CACNA2D1: variants seen among roughly 807,000 people sequenced by gnomAD.
CACNA2D1 encodes the protein calcium voltage-gated channel auxiliary subunit alpha2delta 1, also known as voltage-dependent calcium channel subunit alpha-2/delta-1.
In CACNA2D1, 53 loss-of-function variants were observed where a neutral mutation model predicts 171.5. The ratio of observed to expected loss-of-function variants is 0.31; its 90% confidence interval spans 0.25 to 0.39. The LOEUF is 0.39. CACNA2D1 is among the 10% of genes least tolerant of loss of function. CACNA2D1 has a pLI of 1.00. For synonymous variants in CACNA2D1, 442 were observed against 443.1 expected (o/e 1.00, Z 0.03); for missense variants, 903 against 1,299.8 (o/e 0.69, Z 4.69).
chr7:82,172,640 T>TTTTTTTTTTCC (rs1491222972), intron 3 of CACNA2D1, among the ~76,000 whole-genome samples: 1 of 77,278 alleles, frequency 1.3e-5, no homozygotes, highest in African/African-American at 5.0e-5. Flanking sequence ...TTTTTTTTTT[T>TTTTTTTTTTCC]GGTAAAGATG....
intron 4 of CACNA2D1, among the ~76,000 whole-genome samples, chr7:82,158,318 A>C (rs1455453689): frequency 6.6e-6 from 1 of 151,810 alleles, no homozygotes; most frequent in African/African-American, 2.4e-5. Flanking sequence ...CAAAGCTTTA[A>C]AATTATGTTC....
chr7:82,004,315 A>C (rs1798907416), intron 18 of CACNA2D1, among the ~76,000 whole-genome samples: 1 of 152,120 alleles, frequency 6.6e-6, no homozygotes, highest in African/African-American at 2.4e-5. Context: ...TTAAAACAAC[A>C]CATTTAAACA....
chr7:82,374,171 A>T (rs977252128), intron 1 of CACNA2D1, among the ~76,000 whole-genome samples: 2 of 152,230 alleles, frequency 1.3e-5, no homozygotes, highest in African/African-American at 4.8e-5. Flanking sequence ...GGTCAGAAGA[A>T]CACAATGCCT....
At chr7:82,348,289 AAT>A (rs1819472320) in intron 2 of CACNA2D1, among the ~76,000 whole-genome samples, 1 of 152,182 alleles carries the variant, frequency 6.6e-6, no homozygotes, top group Non-Finnish European at 1.5e-5. Context: ...TTCATATTCT[AAT>A]ATAGTTTCCC....
intron 4 of CACNA2D1, among the ~76,000 whole-genome samples, chr7:82,149,032 T>C (rs1793479523): frequency 6.6e-6 from 1 of 152,170 alleles, no homozygotes; most frequent in Non-Finnish European, 1.5e-5. Flanking sequence ...GTTTGTTGTA[T>C]TGATGAAATG....
chr7:82,086,250 G>A (rs1476658453), intron 6 of CACNA2D1, among the ~76,000 whole-genome samples: 1 of 152,110 alleles, frequency 6.6e-6, no homozygotes, highest in South Asian at 2.1e-4. Flanking sequence ...AAGATGCACG[G>A]CCTATGTGTT....
chr7:82,194,437 G>A (rs1798650560), intron 3 of CACNA2D1, among the ~76,000 whole-genome samples: 1 of 151,976 alleles, frequency 6.6e-6, no homozygotes, highest in Admixed American at 6.6e-5. Context: ...TGATTTGTGT[G>A]TATGCTGGAG....
In CACNA2D1 at chr7:82,246,364, C is replaced by A. The variant is rs186235535; in HGVS notation, c.295-75755G>T. Among the ~76,000 whole-genome samples the A allele has an allele frequency of 2.7e-4, 41 of 152,138 alleles. No homozygotes were observed. The East Asian group carries it at 3.1e-3, about 11-fold the overall frequency. ...ATAGCAGAAAGTGAATGTAGTTCAT[C>A]TCAATAAATATCTGGCACCATAAAC... On this transcript the variant is annotated intron_variant, in intron 3 of 38. Coordinates refer to ENST00000356860, the MANE Select transcript of CACNA2D1 (RefSeq NM_000722.4).
rs35419275 is a variant in CACNA2D1 at position 82,363,254 on chromosome 7, C to CTT, written c.96-13607_96-13606dup. On this transcript the variant is annotated intron_variant, in intron 1 of 38. Transcript: ENST00000356860. ...CTACCATAGTTTTATTTATTTGTCTCTTTTTTTTTTTTTTTTTTTTTTTTT... is the reference window on the plus strand; with the variant it reads ...CTACCATAGTTTTATTTATTTGTCTCTTTTTTTTTTTTTTTTTTTTTTTTTTT... 3.7e-3 allele frequency among the ~76,000 whole-genome samples: 234 copies of CTT among 63,420 alleles called. 23 individuals are homozygous for CTT. The highest frequency in any genetic ancestry group is 0.013 in the African/African-American group (154 of 11,932). 41.6% of individuals were successfully genotyped at this position (63,420 alleles called of 152,430 possible).
intron 1 of CACNA2D1, among the ~76,000 whole-genome samples, chr7:82,414,395 T>C (rs911941281): frequency 4.6e-5 from 7 of 152,280 alleles, no homozygotes; most frequent in South Asian, 2.1e-4. Flanking sequence ...CTGGCTAGTA[T>C]GAAATGCCAC....
intron 5 of CACNA2D1, among the ~76,000 whole-genome samples, chr7:82,120,035 G>T (rs1303286008): frequency 1.3e-5 from 2 of 152,108 alleles, no homozygotes; most frequent in East Asian, 3.9e-4. Flanking sequence ...ATTTAAAAAT[G>T]AGCCTGGCAT....
In CACNA2D1 at chr7:81,982,536, G is replaced by A. The variant is rs780440059; in HGVS notation, c.1955+31C>T. 4.6e-6 allele frequency: 6 copies of A among 1,304,084 alleles called. No homozygotes were observed. In the South Asian group the frequency reaches 4.7e-5, roughly 10 times the overall value. The allele number at this position is 1,304,084 out of a possible 1,614,324, so 80.8% of individuals were successfully genotyped here. A position where few individuals can be genotyped will look rare whatever the true frequency, so the allele number is the denominator to read the frequency against. On this transcript the variant is annotated intron_variant, in intron 24 of 38. Coordinates refer to ENST00000356860, the MANE Select transcript of CACNA2D1 (RefSeq NM_000722.4). Reference sequence around the variant, plus strand: ...ACTGTTGAAGGCCTAGCTACTGATAGAAGATGTATCAAAAATACAACAAAA... The same window carrying A: ...ACTGTTGAAGGCCTAGCTACTGATAAAAGATGTATCAAAAATACAACAAAA...
At chr7:81,993,198 A>G (rs1390880391) in intron 20 of CACNA2D1, among the ~76,000 whole-genome samples, 1 of 152,208 alleles carries the variant, frequency 6.6e-6, no homozygotes, top group East Asian at 1.9e-4. Context: ...AAATGTTTAC[A>G]AATTAATTTC....
chr7:82,064,220 C>G, intron 9 of CACNA2D1, 84 bp downstream of exon 9: 1 of 904,452 alleles, frequency 1.1e-6, no homozygotes, highest in East Asian at 2.5e-5. Context: ...ACCTATCAAA[C>G]CTTTCTTAGT....
At chr7:81,965,070 C>T in intron 32 of CACNA2D1, among the ~76,000 whole-genome samples, 1 of 151,862 alleles carries the variant, frequency 6.6e-6, no homozygotes, top group Admixed American at 6.6e-5. Context: ...AGCTCCACCC[C>T]ATAAATCCTG....
intron 3 of CACNA2D1, among the ~76,000 whole-genome samples, chr7:82,200,701 C>T (rs1799327554): frequency 6.7e-6 from 1 of 149,818 alleles, no homozygotes; most frequent in South Asian, 2.1e-4. Context: ...TATTTACAAG[C>T]TCTTCCATGA....
At chr7:82,364,369 A>G (rs1256779033) in intron 1 of CACNA2D1, among the ~76,000 whole-genome samples, 1 of 152,192 alleles carries the variant, frequency 6.6e-6, no homozygotes, top group African/African-American at 2.4e-5. Context: ...TTAAGGACCT[A>G]TTTATAGAGT....
intron 4 of CACNA2D1, among the ~76,000 whole-genome samples, chr7:82,162,435 T>C (rs1441962271): frequency 6.6e-6 from 1 of 151,980 alleles, no homozygotes; most frequent in Non-Finnish European, 1.5e-5. Flanking sequence ...AGGTTGTAAG[T>C]TGATGAGACT....
At chr7:82,157,660 T>C (rs1794505666) in intron 4 of CACNA2D1, among the ~76,000 whole-genome samples, 2 of 152,004 alleles carry the variant, frequency 1.3e-5, no homozygotes, top group African/African-American at 4.8e-5. Flanking sequence ...TTACGTTATC[T>C]TGAATATATG....
Sources: gnomAD v4.1 joint callset for allele counts (sites outside exome capture counted in the v4.1 genomes callset) on GRCh38, gnomAD v4.1.1 for gene constraint, MANE v1.5 for transcripts, NCBI Gene and HGNC (gene_info 2026-07-23, HGNC 2026-07-21) for gene names.